The following SLC35C1 variants were observed in gnomAD, a reference collection of about 807,000 sequenced individuals.
SLC35C1 encodes the protein solute carrier family 35 member C1.
In SLC35C1, 8 loss-of-function variants were observed where a neutral mutation model predicts 23.2. That is an observed-to-expected ratio of 0.35 (90% CI 0.20 to 0.62). The LOEUF (loss-of-function observed/expected upper bound fraction) is 0.62, where lower values mean the gene tolerates loss of function less well. Among genes scored for constraint, SLC35C1 ranks in the 20% least tolerant of loss-of-function variants. The probability of loss-of-function intolerance (pLI) is 0.75; values close to 1 mark genes in which losing one functional copy is unlikely to be tolerated. For missense variants in SLC35C1, 422 were observed against 478.6 expected (o/e 0.88, Z 1.10); for synonymous variants, 226 against 225.1 (o/e 1.00, Z -0.04).
At chr11:45,808,456 G>A (rs957636570) in intron 1 of SLC35C1, among the ~76,000 whole-genome samples, 5 of 152,174 alleles carry the variant, frequency 3.3e-5, no homozygotes, top group South Asian at 2.1e-4. Context: ...AGCCAAGATC[G>A]CGCCACTGCA....
In SLC35C1 at chr11:45,810,946, G is replaced by A. The variant is rs200146272; in HGVS notation, c.706G>A (p.Val236Ile). 4.7e-5 allele frequency: 76 copies of A among 1,612,644 alleles called. No individual in the cohort carries two copies. In the African/African-American group the frequency reaches 4.9e-4, roughly 10 times the overall value. The change falls in exon 2 of 2, where the codon GTC (valine) becomes ATC (isoleucine). Residue 236 changes from valine to isoleucine, a missense_variant. Physicochemically the swap from Val to Ile is conservative, Grantham distance 29. Coordinates refer to ENST00000314134, the MANE Select transcript of SLC35C1 (RefSeq NM_018389.5). Reference sequence around the variant, plus strand: ...CTGGCGCCTGACTTTCTACAACAACGTCAACGCCTGCATCCTCTTCCTGCC... The same window carrying A: ...CTGGCGCCTGACTTTCTACAACAACATCAACGCCTGCATCCTCTTCCTGCC... ...SIWRLTFYNN[V>I]NACILFLPLL...
chr11:45,808,450 A>G (rs1353555493), intron 1 of SLC35C1, among the ~76,000 whole-genome samples: 1 of 152,152 alleles, frequency 6.6e-6, no homozygotes, highest in East Asian at 1.9e-4. Flanking sequence ...GCATTGAGCC[A>G]AGATCGCGCC....
Position 45,811,199 on chromosome 11 carries a change from G to C in SLC35C1, c.959G>C (p.Ser320Thr), listed in dbSNP as rs1342335723. 1 of 1,610,502 alleles carries C rather than the reference G, an allele frequency of 6.2e-7. No homozygotes were observed. The highest frequency in any genetic ancestry group is 1.1e-5 in the South Asian group (1 of 91,080). ...GTGCTCTACTACGAGGAGACCAAGA[G>C]CTTCCTCTGGTGGACGAGCAACATG... ...LAVLYYEETK[S>T]FLWWTSNMMV... is the part of the protein sequence containing the mutation. The change falls in exon 2 of 2, where the codon AGC becomes ACC. Residue 320 changes from serine (S) to threonine (T), a missense_variant. By Grantham distance (58) the Ser-to-Thr change is moderately conservative. Transcript: ENST00000314134.
chr11:45,807,149 C>G (rs761881087), intron 1 of SLC35C1, among the ~76,000 whole-genome samples: 54 of 152,214 alleles, frequency 3.5e-4, no homozygotes, highest in Non-Finnish European at 4.0e-4. Context: ...CACGGCCACA[C>G]AGCTAGCAAG....
Position 45,811,329 on chromosome 11 carries a change from G to C in SLC35C1, c.1089G>C (p.Gly363=). 1 of 1,516,348 alleles carries C rather than the reference G, an allele frequency of 6.6e-7. No individual in the cohort carries two copies. The highest frequency in any genetic ancestry group is 8.8e-7 in the Non-Finnish European group (1 of 1,142,418). 93.9% of individuals were successfully genotyped at this position (1,516,348 alleles called of 1,614,324 possible). The part of the protein sequence containing the change: ...SPKDSEKSAM[G]V Reference sequence around the variant, plus strand: ...AAGACAGCGAGAAGAGCGCCATGGGGGTGTGAGCACCACAGGCACCCTGGA... The same window carrying C: ...AAGACAGCGAGAAGAGCGCCATGGGCGTGTGAGCACCACAGGCACCCTGGA... The change falls in exon 2 of 2, where the codon GGG becomes GGC. Residue 363 remains glycine (G), a synonymous_variant. Coordinates refer to ENST00000314134, the MANE Select transcript of SLC35C1 (RefSeq NM_018389.5).
rs1565043712 is a variant in SLC35C1 at position 45,811,185 on chromosome 11, CGAG to C, written c.949_951del (p.Glu317del). ...AGACAGTGCTGGCCGTGCTCTACTA[CGAG>C]GAGACCAAGAGCTTCCTCTGGTGGA... is the stretch of plus-strand genomic sequence containing the variant. On this transcript the variant is annotated inframe_deletion, in exon 2 of 2. Transcript: ENST00000314134. 1 of 1,612,030 alleles carries C rather than the reference CGAG, an allele frequency of 6.2e-7. No homozygotes were observed. The highest frequency in any genetic ancestry group is 8.5e-7 in the Non-Finnish European group (1 of 1,179,734).
At position 45,808,274 on chromosome 11, in the gene SLC35C1, T is replaced by C. The variant is rs12275996; in HGVS notation, c.535+1938T>C. Among the ~76,000 whole-genome samples, 250 of 151,032 alleles carry C rather than the reference T, an allele frequency of 1.7e-3. 3 individuals carry two copies. Among genetic ancestry groups the C allele is most frequent in the African/African-American group, 5.8e-3 (240 of 41,094 alleles). Reference sequence around the variant, plus strand: ...CAGCACTTTGGGAGGCTGAGGCAGGTGGATCACCTGAGATCAGTAGTTCGA... The same window carrying C: ...CAGCACTTTGGGAGGCTGAGGCAGGCGGATCACCTGAGATCAGTAGTTCGA... On this transcript the variant is annotated intron_variant, in intron 1 of 1. Transcript: ENST00000314134.
At position 45,811,692 on chromosome 11, in the gene SLC35C1, A is replaced by G. The variant is rs754318164; in HGVS notation, c.*357A>G. ...ATCACTCTGAGGACAGGGACAGGCAACAACCTTGAAGGGACAGCAATGGCA... is the reference window on the plus strand; with the variant it reads ...ATCACTCTGAGGACAGGGACAGGCAGCAACCTTGAAGGGACAGCAATGGCA... On this transcript the variant is annotated 3_prime_UTR_variant, in exon 2 of 2. Transcript: ENST00000314134. The G allele has an allele frequency of 9.3e-5, 20 of 214,526 alleles. No individual in the cohort carries two copies. Among genetic ancestry groups the G allele is most frequent in the Non-Finnish European group, 1.3e-4 (14 of 106,570 alleles). The allele number at this position is 214,526 out of a possible 1,614,324, so 13.3% of individuals were successfully genotyped here. A position where few individuals can be genotyped will look rare whatever the true frequency, so the allele number is the denominator to read the frequency against.
chr11:45,811,128 C>G lies in SLC35C1; in HGVS notation c.888C>G (p.His296Gln), dbSNP rs2085940162. The G allele has an allele frequency of 6.2e-7, 1 of 1,613,130 alleles. No homozygotes were observed. Among genetic ancestry groups the G allele is most frequent in the South Asian group, 1.1e-5 (1 of 91,092 alleles). Residue 296 changes from histidine to glutamine, a missense_variant, in exon 2 of 2, where the codon CAC becomes CAG. By Grantham distance (24) the His-to-Gln change is conservative (BLOSUM62 0). Coordinates refer to ENST00000314134, the MANE Select transcript of SLC35C1 (RefSeq NM_018389.5). ...LQIKFTSPLT[H>Q]NVSGTAKACA... ...TCAAGTTCACCAGTCCGCTGACCCA[C>G]AATGTGTCGGGCACGGCCAAGGCCT... is the stretch of plus-strand genomic sequence containing the variant.
intron 1 of SLC35C1, among the ~76,000 whole-genome samples, chr11:45,806,615 A>G (rs1263115596): frequency 1.3e-5 from 2 of 152,268 alleles, no homozygotes; most frequent in African/African-American, 2.4e-5. Flanking sequence ...TGCCAGGCAC[A>G]TGGATCTTAG....
Position 45,812,281 on chromosome 11 carries a change from A to C in SLC35C1, c.*946A>C. ...CACCCCAGCTGTGTCTGGCGCCCCT[A>C]GATCTCTGCAAGGGAGGTGTTACAG... is the stretch of plus-strand genomic sequence containing the variant. On this transcript the variant is annotated 3_prime_UTR_variant, in exon 2 of 2. Coordinates refer to ENST00000314134, the MANE Select transcript of SLC35C1 (RefSeq NM_018389.5). The C allele has an allele frequency of 3.2e-6, 1 of 310,876 alleles. No homozygotes were observed. Among genetic ancestry groups the C allele is most frequent in the Non-Finnish European group, 6.5e-6 (1 of 154,486 alleles). The allele number at this position is 310,876 out of a possible 1,614,324, so 19.3% of individuals were successfully genotyped here. A position where few individuals can be genotyped will look rare whatever the true frequency, so the allele number is the denominator to read the frequency against.
intron 1 of SLC35C1, chr11:45,810,042 A>T: frequency 1.0e-6 from 1 of 985,016 alleles, no homozygotes. Context: ...GAACAAGGAC[A>T]CTGAGGCCCA....
rs1029471758 is a variant in SLC35C1 at position 45,810,369 on chromosome 11, A to G, written c.536-407A>G. 8.1e-6 allele frequency: 8 copies of G among 985,320 alleles called. No homozygotes were observed. The African/African-American group carries it at 1.4e-4, about 17-fold the overall frequency. 61.0% of individuals were successfully genotyped at this position (985,320 alleles called of 1,614,324 possible). A position where few individuals can be genotyped will look rare whatever the true frequency, so the allele number is the denominator to read the frequency against. ...TCACATTAACCACTAAGTGGCACTC[A>G]TTCTTCAGAACTCAGTTCAACTGTT... On this transcript the variant is annotated intron_variant, in intron 1 of 1. Coordinates refer to ENST00000314134, the MANE Select transcript of SLC35C1 (RefSeq NM_018389.5).
chr11:45,810,405 G>A, intron 1 of SLC35C1: 3 of 985,406 alleles, frequency 3.0e-6, no homozygotes, highest in Non-Finnish European at 3.6e-6. Flanking sequence ...ATTTTCAGAT[G>A]CCCCAGGCCA....
chr11:45,808,680 A>G (rs549988692), intron 1 of SLC35C1, among the ~76,000 whole-genome samples: 1 of 151,990 alleles, frequency 6.6e-6, no homozygotes, highest in African/African-American at 2.4e-5. Context: ...CCCTTGTGCA[A>G]AGGTTCTGTC....
At position 45,811,418 on chromosome 11, in the gene SLC35C1, C is replaced by A; in HGVS notation, c.*83C>A. 8.3e-7 allele frequency: 1 copy of A among 1,211,190 alleles called. No homozygotes were observed. Among genetic ancestry groups the A allele is most frequent in the Non-Finnish European group, 1.1e-6 (1 of 896,350 alleles). The allele number at this position is 1,211,190 out of a possible 1,614,324, so 75.0% of individuals were successfully genotyped here. A position where few individuals can be genotyped will look rare whatever the true frequency, so the allele number is the denominator to read the frequency against. On this transcript the variant is annotated 3_prime_UTR_variant, in exon 2 of 2. Coordinates refer to ENST00000314134, the MANE Select transcript of SLC35C1 (RefSeq NM_018389.5). ...ACAGTAGTGAAGGCGGTCTCCTGGA[C>A]CCCAGAAGCGTGCTGTGGTGTGGAC...
chr11:45,810,389 A>G, intron 1 of SLC35C1: 1 of 985,446 alleles, frequency 1.0e-6, no homozygotes, highest in South Asian at 4.7e-5. Flanking sequence ...ACTCAGTTCA[A>G]CTGTTATTTT....
At position 45,805,246 on chromosome 11, in the gene SLC35C1, C is replaced by T. The variant is rs1002771215; in HGVS notation, c.-556C>T. 1 of 1,001,296 alleles carries T rather than the reference C, an allele frequency of 1.0e-6. No homozygotes were observed. The highest frequency in any genetic ancestry group is 1.7e-5 in the African/African-American group (1 of 57,356). 62.0% of individuals were successfully genotyped at this position (1,001,296 alleles called of 1,614,324 possible). ...CCAGCCCCCTCCCGCGTCCTTCAGC[C>T]CCAAGCCCCGAGCCCCTCTGACCCT... On this transcript the variant is annotated 5_prime_UTR_variant, in exon 1 of 2. Coordinates refer to ENST00000314134, the MANE Select transcript of SLC35C1 (RefSeq NM_018389.5).
Position 45,806,183 on chromosome 11 carries a change from A to T in SLC35C1, c.382A>T (p.Ile128Phe). The T allele has an allele frequency of 6.2e-7, 1 of 1,605,352 alleles. No individual in the cohort carries two copies. Among genetic ancestry groups the T allele is most frequent in the Non-Finnish European group, 8.5e-7 (1 of 1,179,982 alleles). Residue 128 changes from isoleucine (I) to phenylalanine (F), a missense_variant, in exon 1 of 2, where the codon ATC becomes TTC. Transcript: ENST00000314134. ...CCTGTCGGTGGTCTTCATCGGCATGATCACCTTCAATAACCTCTGCCTCAA... is the reference window on the plus strand; with the variant it reads ...CCTGTCGGTGGTCTTCATCGGCATGTTCACCTTCAATAACCTCTGCCTCAA... ...LPLSVVFIGM[I>F]TFNNLCLKYV...
Sources: allele counts gnomAD v4.1 joint callset (sites outside exome capture counted in the v4.1 genomes callset), GRCh38; gene constraint gnomAD v4.1.1; transcripts MANE v1.5; gene names NCBI Gene and HGNC (gene_info 2026-07-23, HGNC 2026-07-21).